The following DNMBP variants were observed in gnomAD, a reference collection of about 807,000 sequenced individuals.
DNMBP encodes the protein dynamin-binding protein.
DNMBP carries 87 observed loss-of-function variants against 150.0 expected under a neutral mutation model. The observed-to-expected ratio is 0.58, with a 90% CI of 0.49 to 0.69. DNMBP has a LOEUF of 0.69. DNMBP is among the 30% of genes least tolerant of loss of function. The probability of loss-of-function intolerance (pLI) is 0.00; values close to 1 mark genes in which losing one functional copy is unlikely to be tolerated. For missense variants in DNMBP, 1,774 were observed against 1,949.0 expected (o/e 0.91, Z 1.69); for synonymous variants, 711 against 750.4 (o/e 0.95, Z 0.86).
chr10:99,885,474 G>C (rs904702958), intron 14 of DNMBP, among the ~76,000 whole-genome samples: 1 of 151,956 alleles, frequency 6.6e-6, no homozygotes, highest in African/African-American at 2.4e-5. Context: ...TCACACCACT[G>C]CACTCCAGCC....
At chr10:100,003,983 G>A (rs1429139645) in intron 1 of DNMBP, among the ~76,000 whole-genome samples, 2 of 151,716 alleles carry the variant, frequency 1.3e-5, no homozygotes, top group Non-Finnish European at 1.5e-5. Flanking sequence ...TGTAATCCAA[G>A]CACTTTGGGA....
chr10:99,930,713 C>T (rs993811666), intron 4 of DNMBP: 11 of 691,346 alleles, frequency 1.6e-5, no homozygotes, highest in South Asian at 4.6e-5. Flanking sequence ...AGTCCCAGTG[C>T]CTTTTCTCCT....
At chr10:99,882,785 C>T (rs1281563027) in intron 15 of DNMBP, among the ~76,000 whole-genome samples, 1 of 152,084 alleles carries the variant, frequency 6.6e-6, no homozygotes, top group Admixed American at 6.6e-5. Context: ...AAAAATAAGG[C>T]CAGGTGCCGT....
chr10:99,968,738 T>C (rs952067599), intron 3 of DNMBP, among the ~76,000 whole-genome samples: 6 of 150,456 alleles, frequency 4.0e-5, no homozygotes, highest in Non-Finnish European at 8.8e-5. Flanking sequence ...AGTGTGGCTA[T>C]AGCATGGGGG....
At chr10:99,958,572 T>C (rs999857468) in intron 3 of DNMBP, among the ~76,000 whole-genome samples, 1 of 152,238 alleles carries the variant, frequency 6.6e-6, no homozygotes, top group African/African-American at 2.4e-5. Context: ...TTGCCAATGA[T>C]AAAATTCCAA....
intron 1 of DNMBP, among the ~76,000 whole-genome samples, chr10:99,982,687 T>C (rs1470185716): frequency 6.6e-6 from 1 of 152,018 alleles, no homozygotes; most frequent in Non-Finnish European, 1.5e-5. Context: ...GCACGGTGGC[T>C]CACGCCTGTA....
chr10:99,928,340 C>T (rs1339881240), intron 4 of DNMBP: 6 of 152,150 alleles, frequency 3.9e-5, no homozygotes, highest in Non-Finnish European at 4.4e-5. Context: ...TGAAGGAGAC[C>T]TAGACGAGAA....
chr10:99,910,691 A>C (rs1333130403), intron 4 of DNMBP, among the ~76,000 whole-genome samples: 1 of 152,212 alleles, frequency 6.6e-6, no homozygotes, highest in Non-Finnish European at 1.5e-5. Context: ...ATGTGGGAGA[A>C]AGTGAAGAAG....
At chr10:99,968,005 T>G (rs1364023674) in intron 3 of DNMBP, among the ~76,000 whole-genome samples, 1 of 152,134 alleles carries the variant, frequency 6.6e-6, no homozygotes, top group African/African-American at 2.4e-5. Context: ...TAATTTATAT[T>G]TATATATTTA....
At chr10:100,000,741 G>A (rs886765936) in intron 1 of DNMBP, among the ~76,000 whole-genome samples, 2 of 151,720 alleles carry the variant, frequency 1.3e-5, no homozygotes, top group African/African-American at 4.8e-5. Flanking sequence ...GGCACTGTTC[G>A]AGGTGGGCTT....
intron 3 of DNMBP, among the ~76,000 whole-genome samples, chr10:99,960,722 C>T (rs2040555408): frequency 6.6e-6 from 1 of 152,140 alleles, no homozygotes; most frequent in South Asian, 2.1e-4. Flanking sequence ...AGAAAAATGG[C>T]TTGAACCTGG....
At chr10:99,898,581 G>C (rs1444929836) in intron 8 of DNMBP, among the ~76,000 whole-genome samples, 162 bp downstream of exon 8, 1 of 152,134 alleles carries the variant, frequency 6.6e-6, no homozygotes, top group African/African-American at 2.4e-5. Flanking sequence ...AAACAGATAA[G>C]TAAAGTGTTC....
In DNMBP at chr10:99,879,302, G is replaced by GAAAATAC. The variant is rs2039327492; in HGVS notation, c.4548+502_4548+508dup. On this transcript the variant is annotated intron_variant, in intron 16 of 16. Coordinates refer to ENST00000324109, the MANE Select transcript of DNMBP (RefSeq NM_015221.4). ...CAACATGGTGAAGACTGTCTCTACT[G>GAAAATAC]AAAATACAAAAATTAGCTGGGTGTG... 2.0e-5 allele frequency among the ~76,000 whole-genome samples: 3 copies of GAAAATAC among 151,654 alleles called. No individual in the cohort carries two copies. The East Asian group carries it at 5.9e-4, about 30-fold the overall frequency.
At chr10:99,939,790 T>C (rs2040274436) in intron 4 of DNMBP, among the ~76,000 whole-genome samples, 1 of 152,250 alleles carries the variant, frequency 6.6e-6, no homozygotes, top group South Asian at 2.1e-4. Context: ...CTGTAGAACC[T>C]AAGATTAATC....
At position 99,934,676 on chromosome 10, in the gene DNMBP, A is replaced by C. The variant is rs1290075664; in HGVS notation, c.2260+20538T>G. Among the ~76,000 whole-genome samples, 21 of 135,948 alleles carry C rather than the reference A, an allele frequency of 1.5e-4. 1 individual carries two copies. The highest frequency in any genetic ancestry group is 3.4e-4 in the Non-Finnish European group (21 of 61,932). The allele number at this position is 135,948 out of a possible 152,430, so 89.2% of individuals were successfully genotyped here. On this transcript the variant is annotated intron_variant, in intron 4 of 16. Transcript: ENST00000324109. ...GTTTGGCCCGGGGAGGGAGATGGTA[A>C]AACTGGTACATTTGTAATCTTGATT...
chr10:99,879,502 G>A (rs1373991005), intron 16 of DNMBP, among the ~76,000 whole-genome samples: 1 of 152,196 alleles, frequency 6.6e-6, no homozygotes, highest in Non-Finnish European at 1.5e-5. Flanking sequence ...AACCAAACAA[G>A]TGGATTAAAT....
At chr10:99,977,821 T>C (rs1298334195) in intron 1 of DNMBP, among the ~76,000 whole-genome samples, 1 of 152,162 alleles carries the variant, frequency 6.6e-6, no homozygotes, top group East Asian at 1.9e-4. Flanking sequence ...TATGAAACTA[T>C]TCATATCAAA....
chr10:99,883,951 G>A, intron 15 of DNMBP, 60 bp downstream of exon 15: 1 of 1,511,140 alleles, frequency 6.6e-7, no homozygotes, highest in Non-Finnish European at 9.1e-7. Context: ...AGATTCGGGT[G>A]CAGCCAAAAC....
intron 4 of DNMBP, among the ~76,000 whole-genome samples, chr10:99,926,277 A>G (rs2040077182): frequency 6.6e-6 from 1 of 152,144 alleles, no homozygotes; most frequent in Admixed American, 6.6e-5. Flanking sequence ...TTATTTTTTT[A>G]ACTTTTATTT....
Sources: gnomAD v4.1 joint callset for allele counts (sites outside exome capture counted in the v4.1 genomes callset) on GRCh38, gnomAD v4.1.1 for gene constraint, MANE v1.5 for transcripts, NCBI Gene and HGNC (gene_info 2026-07-23, HGNC 2026-07-21) for gene names.